ELMOD2: variants seen among roughly 807,000 people sequenced by gnomAD.
The protein encoded by ELMOD2 is ELMO domain-containing protein 2.
ELMOD2 carries 28 observed loss-of-function variants against 41.0 expected under a neutral mutation model. The ratio of observed to expected loss-of-function variants is 0.68; its 90% confidence interval spans 0.51 to 0.94. ELMOD2 has a LOEUF of 0.94. Ranked by LOEUF, ELMOD2 falls within the 40% of genes least tolerant of loss-of-function variation. The pLI is 0.00. For synonymous variants in ELMOD2, 106 were observed against 107.2 expected (o/e 0.99, Z 0.07); for missense variants, 333 against 343.1 (o/e 0.97, Z 0.23).
At position 140,525,417 on chromosome 4, in the gene ELMOD2, C is replaced by T; in HGVS notation, c.-9-3C>T. 1.2e-6 allele frequency: 2 copies of T among 1,610,886 alleles called. No homozygotes were observed. The highest frequency in any genetic ancestry group is 1.7e-6 in the Non-Finnish European group (2 of 1,178,974). ...GCTTGTCTTGTATGTTTCCCTCCTC[C>T]AGGAAAAAAAAATGTTTATTTCTTT... On this transcript the variant is annotated splice_region_variant and splice_polypyrimidine_tract_variant and intron_variant, in intron 1 of 8. Coordinates refer to ENST00000323570, the MANE Select transcript of ELMOD2 (RefSeq NM_153702.4).
At chr4:140,546,418 TG>T (rs1435385853) in intron 8 of ELMOD2, among the ~76,000 whole-genome samples, 1 of 151,902 alleles carries the variant, frequency 6.6e-6, no homozygotes, top group Non-Finnish European at 1.5e-5. Flanking sequence ...CACACCAACA[TG>T]GCACATGTAT....
intron 4 of ELMOD2, among the ~76,000 whole-genome samples, chr4:140,536,424 C>A (rs143780674): frequency 6.6e-6 from 1 of 152,084 alleles, no homozygotes. Context: ...AGATGAGGAA[C>A]GGTCTAGGAG....
intron 5 of ELMOD2, among the ~76,000 whole-genome samples, chr4:140,538,991 G>A (rs1333969631): frequency 6.6e-6 from 1 of 152,172 alleles, no homozygotes; most frequent in Non-Finnish European, 1.5e-5. Flanking sequence ...AGAATTCATG[G>A]AGAGAGGCTA....
In ELMOD2 at chr4:140,527,394, G is replaced by C; in HGVS notation, c.143-72G>C. On this transcript the variant is annotated intron_variant, in intron 2 of 8. Coordinates refer to ENST00000323570, the MANE Select transcript of ELMOD2 (RefSeq NM_153702.4). The stretch of plus-strand genomic sequence containing the variant: ...TGTTACTGGTTTGATATTTTTACTA[G>C]TTGTTTATTATAGGGTAATTGACAA... 4.3e-6 allele frequency: 5 copies of C among 1,161,182 alleles called. No individual in the cohort carries two copies. The South Asian group carries it at 5.4e-5, about 13-fold the overall frequency. The allele number at this position is 1,161,182 out of a possible 1,614,324, so 71.9% of individuals were successfully genotyped here.
At chr4:140,534,995 A>G (rs377227115) in intron 3 of ELMOD2, among the ~76,000 whole-genome samples, 14 of 152,204 alleles carry the variant, frequency 9.2e-5, no homozygotes, top group Admixed American at 5.9e-4. Context: ...TTAAGCTTCA[A>G]CACTCTTCCT....
intron 3 of ELMOD2, 57 bp from the exon 4 acceptor site, chr4:140,535,663 AATGTCTCACAACT>A: frequency 7.3e-7 from 1 of 1,376,340 alleles, no homozygotes; most frequent in Non-Finnish European, 1.0e-6. Flanking sequence ...AGGTTGATTA[AATGTCTCACAACT>A]ATGTCTTTTT....
intron 3 of ELMOD2, 101 bp downstream of exon 3, chr4:140,527,595 A>G: frequency 1.0e-6 from 1 of 957,070 alleles, no homozygotes; most frequent in Non-Finnish European, 1.5e-6. Flanking sequence ...TTCTATAGTG[A>G]GCATTGAGTG....
rs181093686 is a variant in ELMOD2 at position 140,552,848 on chromosome 4, T to C, written c.*2473T>C. The C allele has an allele frequency of 6.6e-6, 1 of 152,162 alleles. No homozygotes were observed. Among genetic ancestry groups the C allele is most frequent in the East Asian group, 1.9e-4 (1 of 5,174 alleles). 9.4% of individuals were successfully genotyped at this position (152,162 alleles called of 1,614,324 possible). A position where few individuals can be genotyped will look rare whatever the true frequency, so the allele number is the denominator to read the frequency against. ...AAGTAGTCTAAAAAATTAACAGTTA[T>C]GGTTTTAATAGGATCTGAAAGACAA... On this transcript the variant is annotated 3_prime_UTR_variant, in exon 9 of 9. Transcript: ENST00000323570.
chr4:140,531,354 A>G (rs1734741044), intron 3 of ELMOD2, among the ~76,000 whole-genome samples: 1 of 152,212 alleles, frequency 6.6e-6, no homozygotes, highest in Admixed American at 6.5e-5. Flanking sequence ...AGGGTTAACA[A>G]ACTGGGATTT....
At position 140,543,440 on chromosome 4, in the gene ELMOD2, G is replaced by A. The variant is rs1735168884; in HGVS notation, c.603-13G>A. 2 of 1,586,830 alleles carry A rather than the reference G, an allele frequency of 1.3e-6. No homozygotes were observed. Among genetic ancestry groups the A allele is most frequent in the South Asian group, 2.4e-5 (2 of 84,786 alleles). On this transcript the variant is annotated splice_polypyrimidine_tract_variant and intron_variant, in intron 7 of 8. Coordinates refer to ENST00000323570, the MANE Select transcript of ELMOD2 (RefSeq NM_153702.4). ...TTGGCTAGCTGGTATAACTGGTAATGTTTCTGACATAGGTATTCTTATGCA... is the reference window on the plus strand; with the variant it reads ...TTGGCTAGCTGGTATAACTGGTAATATTTCTGACATAGGTATTCTTATGCA...
Position 140,537,544 on chromosome 4 carries a change from A to G in ELMOD2, c.399+3A>G, listed in dbSNP as rs1734973621. 1.3e-6 allele frequency: 2 copies of G among 1,597,882 alleles called. No homozygotes were observed. Among genetic ancestry groups the G allele is most frequent in the African/African-American group, 1.4e-5 (1 of 73,762 alleles). On this transcript the variant is annotated splice_donor_region_variant and intron_variant, in intron 5 of 8. Coordinates refer to ENST00000323570, the MANE Select transcript of ELMOD2 (RefSeq NM_153702.4). ...AGCATGAAGAGCTACTCATGAAGGT[A>G]AATTTCTGTTTTCTTTATGTGGAGT...
chr4:140,542,521 T>G, intron 6 of ELMOD2, 53 bp from the exon 7 acceptor site: 2 of 1,356,598 alleles, frequency 1.5e-6, no homozygotes, highest in South Asian at 2.5e-5. Context: ...GTTCTGGATA[T>G]CTTACATTTG....
At chr4:140,545,015 C>T (rs1323474621) in intron 8 of ELMOD2, among the ~76,000 whole-genome samples, 1 of 152,150 alleles carries the variant, frequency 6.6e-6, no homozygotes, top group Non-Finnish European at 1.5e-5. Flanking sequence ...TCTCTGCTCT[C>T]TTTGTTCATG....
rs1735470095 is a variant in ELMOD2 at position 140,551,505 on chromosome 4, G to A, written c.*1130G>A. The A allele has an allele frequency of 6.6e-6, 1 of 152,076 alleles. No homozygotes were observed. The highest frequency in any genetic ancestry group is 1.5e-5 in the Non-Finnish European group (1 of 67,942). 9.4% of individuals were successfully genotyped at this position (152,076 alleles called of 1,614,324 possible). ...TCCTAAAATCTCAGGAGGGCAGCAA[G>A]TGCTGTCAACGATTATATAGTGATG... On this transcript the variant is annotated 3_prime_UTR_variant, in exon 9 of 9. Coordinates refer to ENST00000323570, the MANE Select transcript of ELMOD2 (RefSeq NM_153702.4).
chr4:140,527,397 G>C, intron 2 of ELMOD2, 69 bp from the exon 3 acceptor site: 1 of 1,209,180 alleles, frequency 8.3e-7, no homozygotes, highest in South Asian at 1.3e-5. Context: ...TTTACTAGTT[G>C]TTTATTATAG....
At chr4:140,543,869 A>T (rs1735183553) in intron 8 of ELMOD2, among the ~76,000 whole-genome samples, 1 of 152,142 alleles carries the variant, frequency 6.6e-6, no homozygotes, top group East Asian at 1.9e-4. Flanking sequence ...TTTTCCAGCT[A>T]ACTACAAAAT....
intron 3 of ELMOD2, 50 bp from the exon 4 acceptor site, chr4:140,535,683 T>G (rs771117368): frequency 3.5e-5 from 53 of 1,525,852 alleles, no homozygotes; most frequent in Non-Finnish European, 4.8e-5. Context: ...AACTATGTCT[T>G]TTTCAGCTAC....
Position 140,540,249 on chromosome 4 carries a change from G to A in ELMOD2, c.481G>A (p.Asp161Asn), listed in dbSNP as rs757195748. 6.8e-6 allele frequency: 11 copies of A among 1,614,168 alleles called. No homozygotes were observed. The highest frequency in any genetic ancestry group is 9.3e-6 in the Non-Finnish European group (11 of 1,180,020). Reference sequence around the variant, plus strand: ...GGCTGAAATTGGTTTTCAGGGTGATGATCCCAAGACAGACTTCAGAGGCAT... The same window carrying A: ...GGCTGAAATTGGTTTTCAGGGTGATAATCCCAAGACAGACTTCAGAGGCAT... Reference protein sequence around the residue: ...QWAEIGFQGDDPKTDFRGMGI... With the variant: ...QWAEIGFQGDNPKTDFRGMGI... The change falls in exon 6 of 9, where the codon GAT becomes AAT. Residue 161 changes from aspartate (D) to asparagine (N), a missense_variant. Coordinates refer to ENST00000323570, the MANE Select transcript of ELMOD2 (RefSeq NM_153702.4).
rs1014392623 is a variant in ELMOD2 at position 140,551,110 on chromosome 4, C to T, written c.*735C>T. ...CTTTTTATCAGTTGTAGAAAAGAAC[C>T]TTAGTGTTTTCTTCTCTACCTATGT... is the stretch of plus-strand genomic sequence containing the variant. On this transcript the variant is annotated 3_prime_UTR_variant, in exon 9 of 9. Transcript: ENST00000323570. The T allele has an allele frequency of 1.3e-5, 2 of 152,012 alleles. No homozygotes were observed. Among genetic ancestry groups the T allele is most frequent in the African/African-American group, 4.8e-5 (2 of 41,386 alleles). 9.4% of individuals were successfully genotyped at this position (152,012 alleles called of 1,614,324 possible).
Sources: allele counts gnomAD v4.1 joint callset (sites outside exome capture counted in the v4.1 genomes callset), GRCh38; gene constraint gnomAD v4.1.1; transcripts MANE v1.5; gene names NCBI Gene and HGNC (gene_info 2026-07-23, HGNC 2026-07-21).